The following NKAIN2 variants were observed in gnomAD, a reference collection of about 807,000 sequenced individuals.
The protein encoded by NKAIN2 is sodium/potassium transporting ATPase interacting 2, also known as sodium/potassium-transporting ATPase subunit beta-1-interacting protein 2.
In NKAIN2, 14 loss-of-function variants were observed where a neutral mutation model predicts 32.6. That is an observed-to-expected ratio of 0.43 (90% CI 0.28 to 0.67). NKAIN2 has a LOEUF of 0.67. Ranked by LOEUF, NKAIN2 falls within the 30% of genes least tolerant of loss-of-function variation. The pLI, the probability that NKAIN2 is intolerant of heterozygous loss-of-function variation, is 0.17. For synonymous variants in NKAIN2, 80 were observed against 87.2 expected, an observed-to-expected ratio of 0.92 and a Z score of 0.46; for missense variants, 198 against 258.3, an observed-to-expected ratio of 0.77 and a Z score of 1.60.
At chr6:124,377,985 C>T (rs1039351924) in intron 3 of NKAIN2, among the ~76,000 whole-genome samples, 1 of 152,094 alleles carries the variant, frequency 6.6e-6, no homozygotes, top group Non-Finnish European at 1.5e-5. Flanking sequence ...CTTTTTGAAT[C>T]CTGCCACATT....
At chr6:124,576,717 A>G (rs543196430) in intron 3 of NKAIN2, among the ~76,000 whole-genome samples, 44 of 152,350 alleles carry the variant, frequency 2.9e-4, no homozygotes, top group African/African-American at 1.1e-3. Context: ...GTTCACTGAT[A>G]GGGTTGTAAA....
chr6:124,564,301 A>G (rs1316820072), intron 3 of NKAIN2, among the ~76,000 whole-genome samples: 1 of 152,226 alleles, frequency 6.6e-6, no homozygotes, highest in Non-Finnish European at 1.5e-5. Flanking sequence ...TAAATGCACC[A>G]ATCAGCACTC....
intron 1 of NKAIN2, among the ~76,000 whole-genome samples, chr6:124,077,608 T>C (rs184689499): frequency 6.6e-6 from 1 of 152,226 alleles, no homozygotes; most frequent in East Asian, 1.9e-4. Flanking sequence ...CAATGTGAAT[T>C]GCCATATGCC....
intron 1 of NKAIN2, among the ~76,000 whole-genome samples, chr6:123,901,127 G>A (rs977961624): frequency 9.9e-5 from 15 of 151,996 alleles, no homozygotes; most frequent in African/African-American, 3.4e-4. Context: ...TTTAAAATAA[G>A]TCTTAGTTCA....
intron 4 of NKAIN2, among the ~76,000 whole-genome samples, chr6:124,734,343 G>C (rs905734098): frequency 6.6e-6 from 1 of 151,652 alleles, no homozygotes; most frequent in Non-Finnish European, 1.5e-5. Context: ...CTCAGGACTG[G>C]GATCTTGCCT....
At chr6:124,536,529 G>C (rs939264460) in intron 3 of NKAIN2, among the ~76,000 whole-genome samples, 4 of 151,834 alleles carry the variant, frequency 2.6e-5, no homozygotes, top group African/African-American at 9.7e-5. Context: ...CCCTTCCCTT[G>C]CCTGAATTAC....
At chr6:124,239,362 C>T (rs779518068) in intron 1 of NKAIN2, among the ~76,000 whole-genome samples, 8 of 152,072 alleles carry the variant, frequency 5.3e-5, no homozygotes, top group Admixed American at 1.3e-4. Context: ...CAGCGATATT[C>T]GGGAGTTGAA....
intron 1 of NKAIN2, among the ~76,000 whole-genome samples, chr6:123,976,484 C>G (rs1778646326): frequency 6.9e-6 from 1 of 145,764 alleles, no homozygotes; most frequent in African/African-American, 2.5e-5. Flanking sequence ...ATTCAAAATC[C>G]TCAGCATGGG....
chr6:124,823,251 A>G lies in NKAIN2; in HGVS notation c.*22A>G, dbSNP rs773012899. 1 of 1,574,746 alleles carries G rather than the reference A, an allele frequency of 6.4e-7. No individual in the cohort carries two copies. Among genetic ancestry groups the G allele is most frequent in the Non-Finnish European group, 8.7e-7 (1 of 1,143,772 alleles). ...ATAATACAGATGACTTCAGTATGTC[A>G]GCCCATGGACCTTTCAAAGAACTTT... On this transcript the variant is annotated 3_prime_UTR_variant, in exon 7 of 7. Coordinates refer to ENST00000368417, the MANE Select transcript of NKAIN2 (RefSeq NM_001040214.3).
At chr6:124,379,296 AAAGGAGAAAG>A (rs2114365053) in intron 3 of NKAIN2, among the ~76,000 whole-genome samples, 1 of 109,522 alleles carries the variant, frequency 9.1e-6, no homozygotes, top group Non-Finnish European at 1.9e-5. Flanking sequence ...GAGGAGAGAG[AAAGGAGAAAG>A]GGGAGAGGAG....
chr6:123,899,365 C>T (rs1467777161), intron 1 of NKAIN2, among the ~76,000 whole-genome samples: 3 of 151,988 alleles, frequency 2.0e-5, no homozygotes, highest in Non-Finnish European at 4.4e-5. Flanking sequence ...CTTTTGTGCT[C>T]ACCTTATCTC....
At chr6:124,742,906 A>T (rs1387535202) in intron 4 of NKAIN2, among the ~76,000 whole-genome samples, 1 of 151,952 alleles carries the variant, frequency 6.6e-6, no homozygotes, top group African/African-American at 2.4e-5. Context: ...ATAACATAAT[A>T]AGATCAAAAC....
chr6:124,254,172 G>A (rs764602522), intron 1 of NKAIN2, among the ~76,000 whole-genome samples: 20 of 149,708 alleles, frequency 1.3e-4, no homozygotes, highest in Non-Finnish European at 2.2e-4. Flanking sequence ...GGATGGTTTC[G>A]AAATCCTGAC....
At chr6:123,923,192 C>G (rs187359991) in intron 1 of NKAIN2, among the ~76,000 whole-genome samples, 51 of 152,204 alleles carry the variant, frequency 3.4e-4, no homozygotes, top group Admixed American at 6.5e-4. Context: ...CATGGTAATG[C>G]CAGCTACCAT....
At chr6:123,918,272 A>C (rs1349438943) in intron 1 of NKAIN2, among the ~76,000 whole-genome samples, 1 of 152,210 alleles carries the variant, frequency 6.6e-6, no homozygotes, top group East Asian at 1.9e-4. Flanking sequence ...ACTGGAGAAC[A>C]TGTTGTTAAT....
At chr6:124,085,086 A>G (rs543836431) in intron 1 of NKAIN2, among the ~76,000 whole-genome samples, 36 of 152,186 alleles carry the variant, frequency 2.4e-4, no homozygotes, top group South Asian at 6.2e-4. Flanking sequence ...AGAAAGTGAC[A>G]TAGTGTCATC....
At chr6:124,411,071 G>T (rs1163457366) in intron 3 of NKAIN2, among the ~76,000 whole-genome samples, 1 of 151,584 alleles carries the variant, frequency 6.6e-6, no homozygotes, top group African/African-American at 2.4e-5. Flanking sequence ...GAGCCTATGT[G>T]TGTCTCTGCA....
intron 1 of NKAIN2, among the ~76,000 whole-genome samples, chr6:124,046,938 T>C (rs1180460664): frequency 6.6e-6 from 1 of 152,042 alleles, no homozygotes; most frequent in Non-Finnish European, 1.5e-5. Context: ...ACAATTTGAC[T>C]GAGGACTTGA....
At chr6:124,595,389 G>T (rs770803331) in intron 3 of NKAIN2, among the ~76,000 whole-genome samples, 1 of 152,212 alleles carries the variant, frequency 6.6e-6, no homozygotes. Flanking sequence ...CTGCCTGCTC[G>T]GTCCTTGGGC....
Sources: allele counts gnomAD v4.1 joint callset (sites outside exome capture counted in the v4.1 genomes callset), GRCh38; gene constraint gnomAD v4.1.1; transcripts MANE v1.5; gene names NCBI Gene and HGNC (gene_info 2026-07-23, HGNC 2026-07-21).